NPIPB8: variants seen among roughly 807,000 people sequenced by gnomAD.
NPIPB8 encodes nuclear pore complex interacting protein family member B8, also known as nuclear pore complex-interacting protein family member B8.
In NPIPB8, 3 loss-of-function variants were observed where a neutral mutation model predicts 5.3. The observed-to-expected ratio is 0.57, with a 90% CI of 0.26 to 1.47. The LOEUF (loss-of-function observed/expected upper bound fraction) is 1.47, where lower values mean the gene tolerates loss of function less well. NPIPB8 is among the 40% of genes most tolerant of loss of function. The pLI is 0.13. For synonymous variants in NPIPB8, 18 were observed against 23.0 expected (o/e 0.78, Z 0.62); for missense variants, 50 against 50.2 (o/e 1.00, Z 0.01).
At chr16:28,650,812 G>A (rs2048028869) in intron 3 of NPIPB8, among the ~76,000 whole-genome samples, 1 of 15,278 alleles carries the variant, frequency 6.5e-5, no homozygotes, top group Non-Finnish European at 9.7e-5. Context: ...GTGCAGATCA[G>A]GAAGGAGCAG....
At chr16:28,642,112 T>TTG (rs893556913) in intron 2 of NPIPB8, among the ~76,000 whole-genome samples, 6 of 151,478 alleles carry the variant, frequency 4.0e-5, no homozygotes, top group Non-Finnish European at 8.8e-5. Context: ...GGCTTCTTTT[T>TTG]TTTTTTGAGA....
chr16:28,641,037 A>C (rs2047886703), intron 2 of NPIPB8, among the ~76,000 whole-genome samples: 1 of 151,888 alleles, frequency 6.6e-6, no homozygotes, highest in Non-Finnish European at 1.5e-5. Flanking sequence ...GTTGTAAACT[A>C]TTGCTCCCAC....
chr16:28,644,360 C>T (rs1156591854), intron 2 of NPIPB8, among the ~76,000 whole-genome samples: 1 of 114,592 alleles, frequency 8.7e-6, no homozygotes, highest in East Asian at 2.7e-4. Context: ...TCTCCTCCTC[C>T]TCCTCCACCT....
chr16:28,652,566 G>A (rs967179799), intron 5 of NPIPB8, among the ~76,000 whole-genome samples: 1 of 108,030 alleles, frequency 9.3e-6, no homozygotes, highest in Non-Finnish European at 1.9e-5. Context: ...TTTTTTCGGG[G>A]GAAGAGGAGT....
At chr16:28,644,350 TCTCCTC>T (rs1231829316) in intron 2 of NPIPB8, among the ~76,000 whole-genome samples, 3 of 113,096 alleles carry the variant, frequency 2.7e-5, no homozygotes, top group Non-Finnish European at 5.4e-5. Context: ...CCTTTCTTCT[TCTCCTC>T]CTCCTCCTCC....
At chr16:28,639,668 C>G (rs2151742419) in intron 2 of NPIPB8, among the ~76,000 whole-genome samples, 2 of 143,716 alleles carry the variant, frequency 1.4e-5, no homozygotes, top group Middle Eastern at 6.8e-3. Context: ...ATTGGCCAGG[C>G]TCGTGTCAAC....
chr16:28,652,807 G>T (rs1365708334), intron 5 of NPIPB8, among the ~76,000 whole-genome samples: 1 of 136,504 alleles, frequency 7.3e-6, no homozygotes, highest in East Asian at 2.0e-4. Context: ...TCACCATGTT[G>T]TCCAGGCTGG....
chr16:28,644,316 T>G (rs1017819669), intron 2 of NPIPB8, among the ~76,000 whole-genome samples: 1 of 115,780 alleles, frequency 8.6e-6, no homozygotes, highest in Non-Finnish European at 1.8e-5. Context: ...AGAACTTAAT[T>G]TGAACCGGAT....
intron 2 of NPIPB8, among the ~76,000 whole-genome samples, chr16:28,639,357 T>C (rs914062455): frequency 1.3e-4 from 19 of 149,624 alleles, no homozygotes; most frequent in Admixed American, 6.7e-5. Flanking sequence ...TTTAAAATAA[T>C]AATCTCAAAA....
chr16:28,642,507 C>CA (rs944460275), intron 2 of NPIPB8, among the ~76,000 whole-genome samples: 4 of 150,402 alleles, frequency 2.7e-5, no homozygotes, highest in African/African-American at 7.4e-5. Context: ...GTTTTTGAGA[C>CA]AGAGTCTCGC....
At chr16:28,654,329 AC>A (rs2048090886) in intron 5 of NPIPB8, among the ~76,000 whole-genome samples, 1 of 48,328 alleles carries the variant, frequency 2.1e-5, no homozygotes, top group African/African-American at 7.9e-5. Flanking sequence ...CATTCTCAGC[AC>A]CACACCACAC....
At chr16:28,641,027 G>A (rs1460771608) in intron 2 of NPIPB8, among the ~76,000 whole-genome samples, 1 of 152,002 alleles carries the variant, frequency 6.6e-6, no homozygotes, top group African/African-American at 2.4e-5. Flanking sequence ...AGGGCTGGAG[G>A]TTGTAAACTA....
At chr16:28,639,406 C>T (rs1408089021) in intron 2 of NPIPB8, among the ~76,000 whole-genome samples, 1 of 146,386 alleles carries the variant, frequency 6.8e-6, no homozygotes, top group Non-Finnish European at 1.5e-5. Flanking sequence ...GATACACACA[C>T]ACACACACAG....
intron 5 of NPIPB8, among the ~76,000 whole-genome samples, chr16:28,652,756 C>T (rs1490487029): frequency 7.3e-6 from 1 of 136,422 alleles, no homozygotes; most frequent in African/African-American, 2.9e-5. Flanking sequence ...TGCCCACCAC[C>T]ATGCCCAGCT....
intron 2 of NPIPB8, among the ~76,000 whole-genome samples, chr16:28,640,103 A>G (rs910709785): frequency 1.3e-5 from 2 of 151,882 alleles, no homozygotes; most frequent in Non-Finnish European, 2.9e-5. Flanking sequence ...GCCTGAGGTT[A>G]CAGTCAATAA....
chr16:28,639,444 C>CATATATAT (rs1340453842), intron 2 of NPIPB8, among the ~76,000 whole-genome samples: 3 of 116,972 alleles, frequency 2.6e-5, no homozygotes, highest in African/African-American at 1.1e-4. Flanking sequence ...CACACACACA[C>CATATATAT]ATATATATAT....
At chr16:28,638,185 A>T in intron 1 of NPIPB8, 35 bp downstream of exon 1, 1 of 912,792 alleles carries the variant, frequency 1.1e-6, no homozygotes. Context: ...CATGGCATGA[A>T]GTAGAAATTC....
At chr16:28,641,663 A>T (rs2047898898) in intron 2 of NPIPB8, among the ~76,000 whole-genome samples, 1 of 131,942 alleles carries the variant, frequency 7.6e-6, no homozygotes. Flanking sequence ...TGCCCTTGGG[A>T]GGTGATGACA....
At chr16:28,642,164 G>A (rs1231158950) in intron 2 of NPIPB8, among the ~76,000 whole-genome samples, 1 of 151,062 alleles carries the variant, frequency 6.6e-6, no homozygotes, top group Admixed American at 6.6e-5. Context: ...GGAGTGCAAT[G>A]GCACGATCTC....
Sources: allele counts gnomAD v4.1 joint callset (sites outside exome capture counted in the v4.1 genomes callset), GRCh38; gene constraint gnomAD v4.1.1; transcripts MANE v1.5; gene names NCBI Gene and HGNC (gene_info 2026-07-23, HGNC 2026-07-21).